TAF4B: variants seen among roughly 807,000 people sequenced by gnomAD.
The protein encoded by TAF4B is transcription initiation factor TFIID subunit 4B.
TAF4B carries 38 observed loss-of-function variants against 86.4 expected under a neutral mutation model. That is an observed-to-expected ratio of 0.44 (90% CI 0.34 to 0.58). The LOEUF is 0.58. TAF4B is among the 20% of genes least tolerant of loss of function. The probability of loss-of-function intolerance (pLI) is 0.02; values close to 1 mark genes in which losing one functional copy is unlikely to be tolerated. For missense variants in TAF4B, 988 were observed against 1,027.6 expected (o/e 0.96, Z 0.53); for synonymous variants, 388 against 391.2 (o/e 0.99, Z 0.10).
At chr18:26,288,798 T>G (rs1336837517) in intron 7 of TAF4B, among the ~76,000 whole-genome samples, 1 of 152,202 alleles carries the variant, frequency 6.6e-6, no homozygotes. Flanking sequence ...CTTGACAGCA[T>G]TTTTGTTTTG....
intron 1 of TAF4B, among the ~76,000 whole-genome samples, chr18:26,247,869 C>G (rs946387989): frequency 6.6e-6 from 1 of 151,470 alleles, no homozygotes; most frequent in African/African-American, 2.4e-5. Flanking sequence ...GAACAAGACT[C>G]TGTCTCAAAA....
chr18:26,305,838 C>T (rs780649602), intron 9 of TAF4B, among the ~76,000 whole-genome samples: 1 of 152,098 alleles, frequency 6.6e-6, no homozygotes, highest in Non-Finnish European at 1.5e-5. Flanking sequence ...TTAGAATCAG[C>T]ATGGCAGTTC....
chr18:26,312,060 G>A (rs1019505500), intron 9 of TAF4B, among the ~76,000 whole-genome samples: 1 of 152,164 alleles, frequency 6.6e-6, no homozygotes, highest in African/African-American at 2.4e-5. Flanking sequence ...TTTTTCTACT[G>A]AGGCACTATT....
intron 3 of TAF4B, among the ~76,000 whole-genome samples, chr18:26,268,694 C>T (rs1049648025): frequency 2.6e-5 from 4 of 152,218 alleles, no homozygotes; most frequent in Non-Finnish European, 4.4e-5. Context: ...ACCCTACCTC[C>T]TCCAGATGAT....
At chr18:26,312,568 T>C (rs781126774) in intron 9 of TAF4B, among the ~76,000 whole-genome samples, 9 of 152,186 alleles carry the variant, frequency 5.9e-5, no homozygotes, top group Non-Finnish European at 1.2e-4. Flanking sequence ...TGTCTCCTCA[T>C]TGACTGAATT....
At chr18:26,350,732 C>G (rs2057238133) in intron 13 of TAF4B, among the ~76,000 whole-genome samples, 1 of 152,034 alleles carries the variant, frequency 6.6e-6, no homozygotes, top group Admixed American at 6.6e-5. Flanking sequence ...GGACATTTCT[C>G]AAAAGAAGAC....
chr18:26,346,883 A>ATATATATATATATGTGTG, intron 13 of TAF4B, among the ~76,000 whole-genome samples: 1 of 7,768 alleles, frequency 1.3e-4, no homozygotes, highest in African/African-American at 2.2e-4. Context: ...ATGTGTATAT[A>ATATATATATATATGTGTG]TATATATATA....
At chr18:26,299,399 A>G (rs1244436884) in intron 9 of TAF4B, among the ~76,000 whole-genome samples, 1 of 152,166 alleles carries the variant, frequency 6.6e-6, no homozygotes, top group Non-Finnish European at 1.5e-5. Context: ...TTCCTGGAGT[A>G]TTAGCCTTTT....
chr18:26,260,958 A>G (rs548140894), intron 1 of TAF4B, among the ~76,000 whole-genome samples: 3 of 151,924 alleles, frequency 2.0e-5, no homozygotes, highest in Non-Finnish European at 4.4e-5. Context: ...CTCTGTGTTT[A>G]TGTCACACTT....
intron 13 of TAF4B, among the ~76,000 whole-genome samples, chr18:26,340,233 T>C (rs894518160): frequency 1.3e-5 from 2 of 152,166 alleles, no homozygotes. Flanking sequence ...CATTACTGAT[T>C]AGAAAATATT....
At chr18:26,373,923 T>G (rs1443398586) in intron 14 of TAF4B, among the ~76,000 whole-genome samples, 1 of 152,202 alleles carries the variant, frequency 6.6e-6, no homozygotes, top group East Asian at 1.9e-4. Context: ...CTTTTCTGCC[T>G]TAACACAAAG....
chr18:26,285,222 G>GTTTTTTTTGTTTTTTTTTTTTTT (rs1555677504), intron 6 of TAF4B, among the ~76,000 whole-genome samples: 11 of 45,692 alleles, frequency 2.4e-4, no homozygotes, highest in Non-Finnish European at 4.0e-4. Flanking sequence ...TTTTTTTTTT[G>GTTTTTTTTGTTTTTTTTTTTTTT]TTTTTTTTTT....
chr18:26,321,184 G>T lies in TAF4B; in HGVS notation c.2117G>T (p.Arg706Leu). 1 of 1,613,630 alleles carries T rather than the reference G, an allele frequency of 6.2e-7. No homozygotes were observed. Among genetic ancestry groups the T allele is most frequent in the Non-Finnish European group, 8.5e-7 (1 of 1,179,742 alleles). ...LEKLTAIAQHRMTTYKASENY... is the reference protein window; with the variant it reads ...LEKLTAIAQHLMTTYKASENY... The stretch of plus-strand genomic sequence containing the variant: ...AAACTGACTGCAATTGCTCAGCATC[G>T]AATGACTACTTACAAGGTAAAGGAA... The change falls in exon 11 of 15, where the codon CGA becomes CTA. Residue 706 changes from arginine to leucine, a missense_variant. Physicochemically the swap from Arg to Leu is moderately radical, Grantham distance 102. Transcript: ENST00000269142.
intron 6 of TAF4B, among the ~76,000 whole-genome samples, chr18:26,282,577 C>A (rs181927398): frequency 6.6e-6 from 1 of 152,294 alleles, no homozygotes; most frequent in East Asian, 1.9e-4. Flanking sequence ...AAGAGTCTTA[C>A]CTCAATGTTG....
At chr18:26,376,033 C>A (rs1446871622) in intron 14 of TAF4B, among the ~76,000 whole-genome samples, 1 of 152,072 alleles carries the variant, frequency 6.6e-6, no homozygotes, top group African/African-American at 2.4e-5. Context: ...AGAATTATTT[C>A]TAGGATCTCG....
At chr18:26,376,694 C>T (rs2057445391) in intron 14 of TAF4B, among the ~76,000 whole-genome samples, 1 of 152,048 alleles carries the variant, frequency 6.6e-6, no homozygotes, top group South Asian at 2.1e-4. Flanking sequence ...ATTGTCCTGG[C>T]TAGAACCTCC....
chr18:26,328,472 A>G (rs1208472803), intron 12 of TAF4B, among the ~76,000 whole-genome samples: 1 of 152,078 alleles, frequency 6.6e-6, no homozygotes, highest in African/African-American at 2.4e-5. Flanking sequence ...AATAAAAACA[A>G]AACAAAAAAA....
intron 9 of TAF4B, among the ~76,000 whole-genome samples, chr18:26,308,774 G>A (rs1206976975): frequency 6.6e-6 from 1 of 150,968 alleles, no homozygotes; most frequent in Non-Finnish European, 1.5e-5. Flanking sequence ...TGGGAGGCTG[G>A]GACAGGGGAA....
At chr18:26,328,776 C>T (rs1433694401) in intron 12 of TAF4B, among the ~76,000 whole-genome samples, 2 of 152,084 alleles carry the variant, frequency 1.3e-5, no homozygotes, top group East Asian at 3.9e-4. Flanking sequence ...CTCACCACCA[C>T]GCCCGGCGAA....
Sources: allele counts gnomAD v4.1 joint callset (sites outside exome capture counted in the v4.1 genomes callset), GRCh38; gene constraint gnomAD v4.1.1; transcripts MANE v1.5; gene names NCBI Gene and HGNC (gene_info 2026-07-23, HGNC 2026-07-21).